The following CAMK1G variants were observed in gnomAD, a reference collection of about 807,000 sequenced individuals.
The protein encoded by CAMK1G is calcium/calmodulin dependent protein kinase IG, also known as calcium/calmodulin-dependent protein kinase type 1G.
Under a neutral mutation model 54.8 loss-of-function variants are expected in CAMK1G, and 27 were observed. That is an observed-to-expected ratio of 0.49 (90% CI 0.36 to 0.68). The LOEUF is 0.68. CAMK1G is among the 30% of genes least tolerant of loss of function. CAMK1G has a pLI of 0.00. For missense variants in CAMK1G, 512 were observed against 591.0 expected, an observed-to-expected ratio of 0.87 and a Z score of 1.39; for synonymous variants, 238 against 224.9, an observed-to-expected ratio of 1.06 and a Z score of -0.52.
intron 7 of CAMK1G, 41 bp from the exon 8 acceptor site, chr1:209,608,939 A>G: frequency 6.2e-7 from 1 of 1,611,314 alleles, no homozygotes; most frequent in Non-Finnish European, 8.5e-7. Flanking sequence ...CAGGGAGGAC[A>G]GGTTTGTTCA....
intron 4 of CAMK1G, 35 bp downstream of exon 4, chr1:209,603,323 C>T (rs746257576): frequency 1.9e-6 from 3 of 1,565,054 alleles, no homozygotes; most frequent in South Asian, 1.1e-5. Flanking sequence ...TTCACAGAGG[C>T]CTGGTGGGGC....
chr1:209,613,449 T>A lies in CAMK1G; in HGVS notation c.*447T>A, dbSNP rs979202427. On this transcript the variant is annotated 3_prime_UTR_variant, in exon 13 of 13. Coordinates refer to ENST00000361322, the MANE Select transcript of CAMK1G (RefSeq NM_020439.3). ...ACCCAGACTCCCACTCTGCACACAC[T>A]CACTCCCACCTCTCAAGCCTCCAAC... is the stretch of plus-strand genomic sequence containing the variant. 6.5e-6 allele frequency: 1 copy of A among 152,722 alleles called. No homozygotes were observed. The highest frequency in any genetic ancestry group is 2.4e-5 in the African/African-American group (1 of 41,408). The allele number at this position is 152,722 out of a possible 1,614,324, so 9.5% of individuals were successfully genotyped here.
chr1:209,611,360 G>T, intron 9 of CAMK1G, 105 bp from the exon 10 acceptor site: 1 of 965,174 alleles, frequency 1.0e-6, no homozygotes, highest in South Asian at 1.5e-5. Flanking sequence ...TCTTTCCTCT[G>T]CACACTCTAC....
chr1:209,610,893 C>A (rs755522493), intron 9 of CAMK1G, among the ~76,000 whole-genome samples: 1 of 152,078 alleles, frequency 6.6e-6, no homozygotes. Context: ...ACTTAGAGAC[C>A]AGTGAATAAG....
chr1:209,606,496 G>A (rs974691050), intron 6 of CAMK1G, 53 bp downstream of exon 6: 66 of 1,588,072 alleles, frequency 4.2e-5, no homozygotes, highest in Admixed American at 1.2e-4. Flanking sequence ...TCAACCACAT[G>A]CCTATCATTC....
Position 209,609,842 on chromosome 1 carries a change from T to G in CAMK1G, c.749-9T>G. On this transcript the variant is annotated splice_polypyrimidine_tract_variant and intron_variant, in intron 8 of 12. Transcript: ENST00000361322. ...CCTTAGTCGTCGTGTCTTTGATTACTCCCCTTAGCCAAGGACTTTATTTGC... is the reference window on the plus strand; with the variant it reads ...CCTTAGTCGTCGTGTCTTTGATTACGCCCCTTAGCCAAGGACTTTATTTGC... The G allele has an allele frequency of 6.2e-7, 1 of 1,614,076 alleles. No homozygotes were observed. The highest frequency in any genetic ancestry group is 8.5e-7 in the Non-Finnish European group (1 of 1,179,914).
intron 7 of CAMK1G, among the ~76,000 whole-genome samples, 188 bp from the exon 8 acceptor site, chr1:209,608,792 C>T (rs1214505975): frequency 1.3e-5 from 2 of 152,168 alleles, no homozygotes; most frequent in African/African-American, 4.8e-5. Context: ...AGGCTTGGCA[C>T]TTGCATAAAC....
rs554356428 is a variant in CAMK1G at position 209,606,789 on chromosome 1, T to C, written c.559+346T>C. 7.2e-5 allele frequency among the ~76,000 whole-genome samples: 11 copies of C among 152,046 alleles called. No individual in the cohort carries two copies. The South Asian group carries it at 2.1e-3, about 29-fold the overall frequency. On this transcript the variant is annotated intron_variant, in intron 6 of 12. Transcript: ENST00000361322. ...CAGAGATCAGCAGAGAGCTGAGGGG[T>C]TGAGCACCAACCCTACTCCTTTCTC...
chr1:209,585,848 C>G lies in CAMK1G; in HGVS notation c.-30+2076C>G, dbSNP rs1169477436. Among the ~76,000 whole-genome samples the G allele has an allele frequency of 2.0e-5, 3 of 152,366 alleles. No homozygotes were observed. The East Asian group carries it at 5.8e-4, about 29-fold the overall frequency. ...GCGCCAGCGAGTGAATGAGCTGCAG[C>G]ATGAATGAGGGGAGCGGCTGAGTCT... On this transcript the variant is annotated intron_variant, in intron 1 of 12. Transcript: ENST00000361322.
At chr1:209,608,367 A>G (rs1665701790) in intron 7 of CAMK1G, among the ~76,000 whole-genome samples, 2 of 152,148 alleles carry the variant, frequency 1.3e-5, no homozygotes, top group Non-Finnish European at 2.9e-5. Context: ...AAAGCTGGTC[A>G]GGGCCTTTCC....
intron 2 of CAMK1G, among the ~76,000 whole-genome samples, chr1:209,599,278 G>C (rs1321669443): frequency 6.6e-6 from 1 of 152,150 alleles, no homozygotes; most frequent in Non-Finnish European, 1.5e-5. Flanking sequence ...TGAGATTTGA[G>C]TGGGGACACA....
At chr1:209,591,634 C>G (rs1665253177) in intron 1 of CAMK1G, among the ~76,000 whole-genome samples, 2 of 152,192 alleles carry the variant, frequency 1.3e-5, no homozygotes, top group African/African-American at 4.8e-5. Context: ...TCTTCCTGCT[C>G]TACTTCAAAG....
intron 2 of CAMK1G, among the ~76,000 whole-genome samples, chr1:209,598,330 A>G (rs1394221013): frequency 6.6e-6 from 1 of 152,230 alleles, no homozygotes; most frequent in Non-Finnish European, 1.5e-5. Flanking sequence ...TAACTGGTAC[A>G]GAGTGATCAC....
At chr1:209,609,988 G>A in intron 9 of CAMK1G, 59 bp downstream of exon 9, 1 of 1,340,176 alleles carries the variant, frequency 7.5e-7, no homozygotes, top group Non-Finnish European at 1.1e-6. Flanking sequence ...AAACCATGCT[G>A]ACTCATTCAT....
At position 209,606,309 on chromosome 1, in the gene CAMK1G, T is replaced by G. The variant is rs1485851632; in HGVS notation, c.436-11T>G. The G allele has an allele frequency of 6.2e-7, 1 of 1,613,248 alleles. No individual in the cohort carries two copies. Among genetic ancestry groups the G allele is most frequent in the African/African-American group, 1.3e-5 (1 of 74,888 alleles). ...GGTTATATCCTACACTACATATTTTTTCTCCTACAGCCCGAAAACCTGCTT... is the reference window on the plus strand; with the variant it reads ...GGTTATATCCTACACTACATATTTTGTCTCCTACAGCCCGAAAACCTGCTT... On this transcript the variant is annotated splice_polypyrimidine_tract_variant and intron_variant, in intron 5 of 12. Transcript: ENST00000361322.
At chr1:209,599,951 C>A (rs773528384) in intron 2 of CAMK1G, 32 bp from the exon 3 acceptor site, 121 of 1,610,348 alleles carry the variant, frequency 7.5e-5, no homozygotes, top group Admixed American at 2.7e-4. Flanking sequence ...CTGCCCCCTA[C>A]TAAGTTTTAT....
intron 4 of CAMK1G, 149 bp from the exon 5 acceptor site, chr1:209,605,387 G>A (rs1665622225): frequency 1.2e-6 from 1 of 832,624 alleles, no homozygotes. Context: ...TCTGAGACTG[G>A]AGTAGTCTGC....
intron 4 of CAMK1G, 21 bp from the exon 5 acceptor site, chr1:209,605,515 G>A: frequency 6.2e-7 from 1 of 1,612,046 alleles, no homozygotes; most frequent in Non-Finnish European, 8.5e-7. Flanking sequence ...CTGAATTCCT[G>A]TCTTGATCCT....
chr1:209,609,456 G>A (rs1004828005), intron 8 of CAMK1G, among the ~76,000 whole-genome samples: 4 of 152,232 alleles, frequency 2.6e-5, no homozygotes, highest in African/African-American at 2.4e-5. Context: ...CTATGTGTGA[G>A]AGAAGATGAT....
Sources: allele counts gnomAD v4.1 joint callset (sites outside exome capture counted in the v4.1 genomes callset), GRCh38; gene constraint gnomAD v4.1.1; transcripts MANE v1.5; gene names NCBI Gene and HGNC (gene_info 2026-07-23, HGNC 2026-07-21).